CYYR1: variants seen among roughly 807,000 people sequenced by gnomAD.
CYYR1 encodes cysteine and tyrosine rich 1.
In CYYR1, 14 loss-of-function variants were observed where a neutral mutation model predicts 15.2. The ratio of observed to expected loss-of-function variants is 0.92; its 90% CI spans 0.61 to 1.44. CYYR1 has a LOEUF of 1.44. Among genes scored for constraint, CYYR1 ranks in the 40% most tolerant of loss-of-function variants. CYYR1 has a pLI of 0.00. For synonymous variants in CYYR1, 80 were observed against 77.4 expected (o/e 1.03, Z -0.18); for missense variants, 228 against 209.5 (o/e 1.09, Z -0.54).
chr21:26,484,999 A>T (rs2065231699), intron 2 of CYYR1, among the ~76,000 whole-genome samples: 1 of 152,102 alleles, frequency 6.6e-6, no homozygotes, highest in African/African-American at 2.4e-5. Flanking sequence ...TTTACTTTGT[A>T]ATTAATAAAA....
At chr21:26,515,309 T>C (rs759516186) in intron 2 of CYYR1, among the ~76,000 whole-genome samples, 3 of 152,184 alleles carry the variant, frequency 2.0e-5, no homozygotes, top group Non-Finnish European at 4.4e-5. Flanking sequence ...TCCTCCATAT[T>C]ACATGTTACT....
At chr21:26,535,024 C>A (rs1330825939) in intron 2 of CYYR1, among the ~76,000 whole-genome samples, 1 of 152,098 alleles carries the variant, frequency 6.6e-6, no homozygotes, top group East Asian at 1.9e-4. Context: ...ATTTACTTAA[C>A]TTATTCATTC....
At chr21:26,480,225 G>A in intron 3 of CYYR1, 47 bp downstream of exon 3, 1 of 1,552,474 alleles carries the variant, frequency 6.4e-7, no homozygotes, top group Non-Finnish European at 8.7e-7. Context: ...GAGGAGCAGA[G>A]GATAACTAGC....
chr21:26,479,714 G>A (rs2065148778), intron 3 of CYYR1, among the ~76,000 whole-genome samples: 1 of 151,890 alleles, frequency 6.6e-6, no homozygotes, highest in African/African-American at 2.4e-5. Flanking sequence ...GTTTCTCCAA[G>A]TTGGCCAGGC....
intron 2 of CYYR1, among the ~76,000 whole-genome samples, chr21:26,543,555 G>T (rs1197071793): frequency 6.6e-6 from 1 of 152,198 alleles, no homozygotes; most frequent in Non-Finnish European, 1.5e-5. Context: ...AGCAAAGCAT[G>T]TACTGAAGTT....
Position 26,480,307 on chromosome 21 carries a change from C to T in CYYR1, c.299G>A (p.Arg100Lys), listed in dbSNP as rs780677251. 6.2e-7 allele frequency: 1 copy of T among 1,613,254 alleles called. No homozygotes were observed. The highest frequency in any genetic ancestry group is 2.2e-5 in the East Asian group (1 of 44,832). The stretch of plus-strand genomic sequence containing the variant: ...GGAGACGGTGTTGATGTGAGTCGTC[C>T]TGAGGATGCCCACGCGGGTCGCCCT... ...NHRATRVGIL[R>K]TTHINTVSSY... is the part of the protein sequence containing the mutation. The change falls in exon 3 of 4, where the codon AGG (arginine) becomes AAG (lysine). Residue 100 changes from arginine to lysine, a missense_variant. Coordinates refer to ENST00000652641, the MANE Select transcript of CYYR1 (RefSeq NM_001320768.2).
At chr21:26,501,354 A>T (rs1232043569) in intron 2 of CYYR1, among the ~76,000 whole-genome samples, 2 of 152,128 alleles carry the variant, frequency 1.3e-5, no homozygotes, top group African/African-American at 4.8e-5. Flanking sequence ...AACAAATAAA[A>T]TCAGCAAGAT....
At chr21:26,535,911 A>G (rs1289527616) in intron 2 of CYYR1, among the ~76,000 whole-genome samples, 1 of 152,166 alleles carries the variant, frequency 6.6e-6, no homozygotes, top group Non-Finnish European at 1.5e-5. Flanking sequence ...CATGAGAAAG[A>G]GGTGTATTAG....
At position 26,536,766 on chromosome 21, in the gene CYYR1, C is replaced by T. The variant is rs73898252; in HGVS notation, c.176+29500G>A. 3.0e-3 allele frequency among the ~76,000 whole-genome samples: 413 copies of T among 136,494 alleles called. 2 individuals are homozygous for T. The highest frequency in any genetic ancestry group is 9.3e-3 in the African/African-American group (375 of 40,130). The allele number at this position is 136,494 out of a possible 152,430, so 89.5% of individuals were successfully genotyped here. ...CACCACTGCATCACAGTCCTTTAAC[C>T]GGGTCTGTTTTCATCTGTTCCTTGA... On this transcript the variant is annotated intron_variant, in intron 2 of 3. Coordinates refer to ENST00000652641, the MANE Select transcript of CYYR1 (RefSeq NM_001320768.2).
chr21:26,488,661 C>T (rs2065285831), intron 2 of CYYR1, among the ~76,000 whole-genome samples: 1 of 152,090 alleles, frequency 6.6e-6, no homozygotes, highest in African/African-American at 2.4e-5. Context: ...TGTCAATTCT[C>T]AGGAAACCTC....
chr21:26,532,701 A>T (rs1356735710), intron 2 of CYYR1, among the ~76,000 whole-genome samples: 2 of 152,158 alleles, frequency 1.3e-5, no homozygotes, highest in African/African-American at 4.8e-5. Flanking sequence ...ATGGTTTTCC[A>T]TATTTTCAAC....
chr21:26,508,551 G>T (rs1457959748), intron 2 of CYYR1, among the ~76,000 whole-genome samples: 1 of 152,078 alleles, frequency 6.6e-6, no homozygotes, highest in Non-Finnish European at 1.5e-5. Context: ...AATACAGTGG[G>T]CACAAATTCT....
chr21:26,477,296 A>C (rs1474307350), intron 3 of CYYR1, among the ~76,000 whole-genome samples: 1 of 152,184 alleles, frequency 6.6e-6, no homozygotes, highest in Non-Finnish European at 1.5e-5. Context: ...TAAACCTTCA[A>C]GTAAAATCTT....
chr21:26,547,041 G>C (rs1979021532), intron 2 of CYYR1, among the ~76,000 whole-genome samples: 1 of 152,100 alleles, frequency 6.6e-6, no homozygotes, highest in Admixed American at 6.5e-5. Context: ...GGTTGAAGGT[G>C]CATTTTTCTG....
chr21:26,553,291 TTTGA>T (rs1213664043), intron 2 of CYYR1, among the ~76,000 whole-genome samples: 1 of 152,118 alleles, frequency 6.6e-6, no homozygotes, highest in East Asian at 1.9e-4. Flanking sequence ...TTTTAACCAA[TTTGA>T]TTATGATGTA....
chr21:26,506,666 T>G (rs1413359123), intron 2 of CYYR1: 8 of 152,216 alleles, frequency 5.3e-5, no homozygotes, highest in Non-Finnish European at 1.2e-4. Flanking sequence ...GTGCTCTTAA[T>G]CTTACCCTGG....
intron 3 of CYYR1, chr21:26,471,741 G>A (rs1022415174): frequency 5.2e-4 from 79 of 152,204 alleles, no homozygotes; most frequent in African/African-American, 1.6e-3. Context: ...CATCCTAAGC[G>A]GTTTTGTTCT....
chr21:26,478,477 C>T (rs1356163216), intron 3 of CYYR1, among the ~76,000 whole-genome samples: 1 of 151,906 alleles, frequency 6.6e-6, no homozygotes, highest in Non-Finnish European at 1.5e-5. Context: ...AAAAAGGAGG[C>T]CTGGGAAATA....
At position 26,550,858 on chromosome 21, in the gene CYYR1, T is replaced by C. The variant is rs549085992; in HGVS notation, c.176+15408A>G. ...CAGAAGAGCTAGCTCAGATCATTGA[T>C]AAACGTGGCTACATTAAACAACATA... On this transcript the variant is annotated intron_variant, in intron 2 of 3. Coordinates refer to ENST00000652641, the MANE Select transcript of CYYR1 (RefSeq NM_001320768.2). The C allele has an allele frequency of 4.6e-5, 7 of 152,378 alleles. 1 individual carries two copies. The South Asian group carries it at 1.5e-3, about 32-fold the overall frequency. 9.4% of individuals were successfully genotyped at this position (152,378 alleles called of 1,614,324 possible).
Sources: gnomAD v4.1 joint callset for allele counts (sites outside exome capture counted in the v4.1 genomes callset) on GRCh38, gnomAD v4.1.1 for gene constraint, MANE v1.5 for transcripts, NCBI Gene and HGNC (gene_info 2026-07-23, HGNC 2026-07-21) for gene names.